The following MRI1 variants were observed in gnomAD, a reference collection of about 807,000 sequenced individuals.
MRI1 encodes the protein methylthioribose-1-phosphate isomerase.
A neutral mutation model predicts 27.3 loss-of-function variants in MRI1; 32 were observed. That is an observed-to-expected ratio of 1.17 (90% CI 0.88 to 1.57). The LOEUF (loss-of-function observed/expected upper bound fraction) is 1.57, where lower values mean the gene tolerates loss of function less well. Among genes scored for constraint, MRI1 ranks in the 40% most tolerant of loss-of-function variants. The probability of loss-of-function intolerance (pLI) is 0.00; values close to 1 mark genes in which losing one functional copy is unlikely to be tolerated. For synonymous variants in MRI1, 216 were observed against 227.4 expected (o/e 0.95, Z 0.45); for missense variants, 508 against 516.1 (o/e 0.98, Z 0.15).
chr19:13,768,918 C>T lies in MRI1; in HGVS notation c.819C>T (p.Gly273=), dbSNP rs1179039255. 6.2e-7 allele frequency: 1 copy of T among 1,614,166 alleles called. No homozygotes were observed. Among genetic ancestry groups the T allele is most frequent in the Admixed American group, 1.7e-5 (1 of 60,012 alleles). The part of the protein sequence containing the change: ...YQLAIVAKHH[G]IPFYVAAPSS... ...TGGCCATTGTCGCCAAGCACCATGGCATTCCCTTCTACGTGGCTGCCCCCA... is the reference window on the plus strand; with the variant it reads ...TGGCCATTGTCGCCAAGCACCATGGTATTCCCTTCTACGTGGCTGCCCCCA... Residue 273 remains glycine (G), a synonymous_variant, in exon 5 of 6, where the codon GGC becomes GGT. Coordinates refer to ENST00000040663, the MANE Select transcript of MRI1 (RefSeq NM_001031727.4).
intron 2 of MRI1, 109 bp downstream of exon 2, chr19:13,765,218 G>A: frequency 1.1e-6 from 1 of 949,314 alleles, no homozygotes; most frequent in South Asian, 2.1e-5. Flanking sequence ...GCGACCTTAA[G>A]TCCCTTGTCC....
At chr19:13,768,279 A>C in intron 3 of MRI1, 1 of 762,334 alleles carries the variant, frequency 1.3e-6, no homozygotes, top group South Asian at 1.5e-5. Context: ...GACAGAGAGC[A>C]GGAAACTGAA....
At chr19:13,767,345 C>T (rs1974160125) in intron 3 of MRI1, among the ~76,000 whole-genome samples, 1 of 151,966 alleles carries the variant, frequency 6.6e-6, no homozygotes, top group Non-Finnish European at 1.5e-5. Flanking sequence ...CAGTGCCCAG[C>T]CCACCCCTAT....
chr19:13,771,699 T>C (rs1555707090), intron 5 of MRI1, among the ~76,000 whole-genome samples: 1 of 151,570 alleles, frequency 6.6e-6, no homozygotes, highest in Non-Finnish European at 1.5e-5. Context: ...TCGTCTCTAC[T>C]AAAAATACTG....
chr19:13,773,045 G>A lies in MRI1; in HGVS notation c.*764G>A, dbSNP rs968357012. 7 of 149,634 alleles carry A rather than the reference G, an allele frequency of 4.7e-5. No individual in the cohort carries two copies. The highest frequency in any genetic ancestry group is 3.3e-4 in the Admixed American group (5 of 15,008). 9.3% of individuals were successfully genotyped at this position (149,634 alleles called of 1,614,324 possible). ...TTTTTTTTGAGATCAAGTATCACTCGTTACCCAGGCTGGAATGTAGAGGCG... is the reference window on the plus strand; with the variant it reads ...TTTTTTTTGAGATCAAGTATCACTCATTACCCAGGCTGGAATGTAGAGGCG... On this transcript the variant is annotated 3_prime_UTR_variant, in exon 6 of 6. Transcript: ENST00000040663.
At position 13,768,747 on chromosome 19, in the gene MRI1, C is replaced by A; in HGVS notation, c.724+10C>A. ...CATAGGGGCGTGTCAGGTAAGCAGACGGTAAGCCCTGGGGGCGGGGCTCTG... is the reference window on the plus strand; with the variant it reads ...CATAGGGGCGTGTCAGGTAAGCAGAAGGTAAGCCCTGGGGGCGGGGCTCTG... On this transcript the variant is annotated intron_variant, in intron 4 of 5. Transcript: ENST00000040663. The A allele has an allele frequency of 1.2e-6, 2 of 1,609,300 alleles. No individual in the cohort carries two copies. Among genetic ancestry groups the A allele is most frequent in the South Asian group, 2.2e-5 (2 of 90,824 alleles).
chr19:13,768,789 A>T (rs756803863), intron 4 of MRI1, 35 bp from the exon 5 acceptor site: 2 of 1,592,564 alleles, frequency 1.3e-6, no homozygotes, highest in South Asian at 2.2e-5. Context: ...GGGGCCAGGT[A>T]ATGACCCCCA....
chr19:13,772,180 A>G lies in MRI1; in HGVS notation c.1009A>G (p.Ile337Val), dbSNP rs1042018789. ...CCCCCACGACCTCATCACTGGTGGC[A>G]TCATCACAGAACTGGGGGTCTTTGC... Reference protein sequence around the residue: ...VTPHDLITGGIITELGVFAPE... With the variant: ...VTPHDLITGGVITELGVFAPE... The change falls in exon 6 of 6, where the codon ATC becomes GTC. Residue 337 changes from isoleucine to valine, a missense_variant. Coordinates refer to ENST00000040663, the MANE Select transcript of MRI1 (RefSeq NM_001031727.4). 1 of 1,614,068 alleles carries G rather than the reference A, an allele frequency of 6.2e-7. No homozygotes were observed. Among genetic ancestry groups the G allele is most frequent in the African/African-American group, 1.3e-5 (1 of 75,014 alleles).
chr19:13,768,530 G>T (rs62111897), intron 3 of MRI1, 31 bp from the exon 4 acceptor site: 1 of 1,596,934 alleles, frequency 6.3e-7, no homozygotes, highest in East Asian at 2.3e-5. Context: ...CCCTCCCCGG[G>T]GCCTTCTCCT....
chr19:13,774,045 T>G lies in MRI1; in HGVS notation c.*1764T>G, dbSNP rs1974328839. 6.3e-6 allele frequency: 1 copy of G among 159,920 alleles called. No homozygotes were observed. Among genetic ancestry groups the G allele is most frequent in the Non-Finnish European group, 1.4e-5 (1 of 72,048 alleles). The allele number at this position is 159,920 out of a possible 1,614,324, so 9.9% of individuals were successfully genotyped here. A position where few individuals can be genotyped will look rare whatever the true frequency, so the allele number is the denominator to read the frequency against. On this transcript the variant is annotated 3_prime_UTR_variant, in exon 6 of 6. Transcript: ENST00000040663. ...TCCACTAAAACTTTATTTACAAAAT[T>G]ATGCTGCCGGTCTGCAGGATGTAGT...
intron 3 of MRI1, among the ~76,000 whole-genome samples, chr19:13,767,746 T>C (rs553038540): frequency 6.6e-6 from 1 of 152,112 alleles, no homozygotes; most frequent in Admixed American, 6.6e-5. Context: ...TTATTTATTT[T>C]GGAGACAGAG....
chr19:13,767,021 ATATATATATATATATATTTTTTTTTT>A (rs1974140487), intron 3 of MRI1, among the ~76,000 whole-genome samples: 1 of 11,378 alleles, frequency 8.8e-5, no homozygotes, highest in African/African-American at 4.6e-4. Context: ...ATATATATAT[ATATATATATATATATATTTTTTTTTT>A]TTTTTTTTTT....
rs1442545533 is a variant in MRI1, at chr19:13,767,032, TATA to T, written c.547+904_547+906del. Among the ~76,000 whole-genome samples the T allele has an allele frequency of 8.7e-3, 159 of 18,318 alleles. 5 individuals are homozygous for T. Among genetic ancestry groups the T allele is most frequent in the African/African-American group, 0.021 (62 of 2,912 alleles). 12.0% of individuals were successfully genotyped at this position (18,318 alleles called of 152,430 possible). On this transcript the variant is annotated intron_variant, in intron 3 of 5. Transcript: ENST00000040663. Reference sequence around the variant, plus strand: ...ACATATATATATATATATATATATATATATATTTTTTTTTTTTTTTTTTTTTTT... The same window carrying T: ...ACATATATATATATATATATATATATTATTTTTTTTTTTTTTTTTTTTTTT...
chr19:13,769,639 C>T (rs932546133), intron 5 of MRI1, among the ~76,000 whole-genome samples: 12 of 151,990 alleles, frequency 7.9e-5, no homozygotes, highest in African/African-American at 2.4e-4. Context: ...AAAACCAAGA[C>T]GGCCAGGCGA....
At chr19:13,767,632 C>A (rs569557379) in intron 3 of MRI1, among the ~76,000 whole-genome samples, 1 of 119,550 alleles carries the variant, frequency 8.4e-6, no homozygotes, top group African/African-American at 3.5e-5. Flanking sequence ...TGGCAAAACC[C>A]CATCTCTACA....
rs1568305750 is a variant in MRI1, at chr19:13,764,579, C to G, written c.-10C>G. 5 of 1,606,774 alleles carry G rather than the reference C, an allele frequency of 3.1e-6. No individual in the cohort carries two copies. The South Asian group carries it at 5.5e-5, about 18-fold the overall frequency. On this transcript the variant is annotated 5_prime_UTR_variant, in exon 1 of 6. Coordinates refer to ENST00000040663, the MANE Select transcript of MRI1 (RefSeq NM_001031727.4). ...TCCCTCTGAGTTGCGCTGGGCTTGG[C>G]TGCTGCACCATGACCCTGGAGGCGA...
At chr19:13,770,897 A>C in intron 5 of MRI1, among the ~76,000 whole-genome samples, 1 of 148,428 alleles carries the variant, frequency 6.7e-6, no homozygotes, top group Non-Finnish European at 1.5e-5. Context: ...GAAAAAAAAG[A>C]AAAAACAGTT....
intron 5 of MRI1, among the ~76,000 whole-genome samples, chr19:13,769,689 AG>A (rs1426729048): frequency 6.6e-6 from 1 of 151,998 alleles, no homozygotes; most frequent in African/African-American, 2.4e-5. Flanking sequence ...TGGGAGGCCG[AG>A]GCGGGCAGAT....
At chr19:13,768,802 T>A (rs745563844) in intron 4 of MRI1, 22 bp from the exon 5 acceptor site, 10 of 1,593,486 alleles carry the variant, frequency 6.3e-6, no homozygotes, top group Non-Finnish European at 8.6e-6. Context: ...GACCCCCAAC[T>A]TCTCATACGC....
Sources: allele counts gnomAD v4.1 joint callset (sites outside exome capture counted in the v4.1 genomes callset), GRCh38; gene constraint gnomAD v4.1.1; transcripts MANE v1.5; gene names NCBI Gene and HGNC (gene_info 2026-07-23, HGNC 2026-07-21).